The following PAX5 variants were observed in gnomAD, a reference collection of about 807,000 sequenced individuals.
The protein encoded by PAX5 is paired box protein Pax-5.
PAX5 carries 9 observed loss-of-function variants against 43.7 expected under a neutral mutation model. The observed-to-expected ratio is 0.21, with a 90% CI of 0.12 to 0.36. The LOEUF (loss-of-function observed/expected upper bound fraction) is 0.36, where lower values mean the gene tolerates loss of function less well. Among genes scored for constraint, PAX5 ranks in the 10% least tolerant of loss-of-function variants. PAX5 has a pLI of 1.00. For synonymous variants in PAX5, 228 were observed against 214.3 expected (o/e 1.06, Z -0.56); for missense variants, 383 against 532.7 (o/e 0.72, Z 2.77).
chr9:36,976,719 T>G (rs905432433), intron 5 of PAX5, among the ~76,000 whole-genome samples: 14 of 152,294 alleles, frequency 9.2e-5, no homozygotes, highest in Admixed American at 2.0e-4. Context: ...AAATGCGAAA[T>G]TGTAAAATTG....
intron 2 of PAX5, among the ~76,000 whole-genome samples, chr9:37,016,841 A>G (rs1382834905): frequency 2.0e-5 from 3 of 152,228 alleles, no homozygotes; most frequent in Non-Finnish European, 4.4e-5. Flanking sequence ...CAGCCTGGGT[A>G]TGTTTGGGTA....
intron 6 of PAX5, among the ~76,000 whole-genome samples, chr9:36,949,273 G>T (rs1832810015): frequency 6.6e-6 from 1 of 152,106 alleles, no homozygotes; most frequent in Non-Finnish European, 1.5e-5. Flanking sequence ...TGCTAGCCAG[G>T]ATGGCCTCGA....
At chr9:36,999,485 T>C (rs1837671773) in intron 5 of PAX5, among the ~76,000 whole-genome samples, 1 of 152,222 alleles carries the variant, frequency 6.6e-6, no homozygotes, top group Non-Finnish European at 1.5e-5. Context: ...CTCTGCAAGA[T>C]CTGGGCAGGA....
At chr9:36,852,902 C>T (rs1823301150) in intron 8 of PAX5, among the ~76,000 whole-genome samples, 1 of 152,198 alleles carries the variant, frequency 6.6e-6, no homozygotes, top group East Asian at 1.9e-4. Context: ...AGGGATCCCA[C>T]CATCCCAAGG....
intron 3 of PAX5, among the ~76,000 whole-genome samples, chr9:37,009,553 G>C (rs1455511420): frequency 6.6e-6 from 1 of 152,068 alleles, no homozygotes; most frequent in South Asian, 2.1e-4. Flanking sequence ...GAGGGCGGTG[G>C]GGGAGTAAAG....
intron 6 of PAX5, among the ~76,000 whole-genome samples, chr9:36,929,617 C>T (rs1421451515): frequency 6.6e-6 from 1 of 152,248 alleles, no homozygotes; most frequent in African/African-American, 2.4e-5. Context: ...TCAGGGCACC[C>T]TGGTGCTGTC....
intron 9 of PAX5, among the ~76,000 whole-genome samples, 177 bp downstream of exon 9, chr9:36,846,666 G>A (rs1822604061): frequency 6.6e-6 from 1 of 152,156 alleles, no homozygotes; most frequent in South Asian, 2.1e-4. Context: ...CAGGGCTGGA[G>A]CACTATTTAC....
chr9:36,846,758 A>G, intron 9 of PAX5, 85 bp downstream of exon 9: 4 of 906,462 alleles, frequency 4.4e-6, no homozygotes, highest in Non-Finnish European at 7.1e-6. Context: ...AGACCTCAGG[A>G]TGTCGAGGGA....
intron 1 of PAX5, among the ~76,000 whole-genome samples, chr9:37,025,873 T>A: frequency 6.6e-6 from 1 of 152,290 alleles, no homozygotes; most frequent in Non-Finnish European, 1.5e-5. Flanking sequence ...GGAGAAGCCA[T>A]GAGAAAAGGC....
At chr9:37,030,033 C>T (rs1840823611) in intron 1 of PAX5, among the ~76,000 whole-genome samples, 1 of 152,182 alleles carries the variant, frequency 6.6e-6, no homozygotes, top group Admixed American at 6.5e-5. Flanking sequence ...GGTTTTCCTT[C>T]GGATACCCGT....
At chr9:36,915,813 T>C (rs1477101110) in intron 7 of PAX5, among the ~76,000 whole-genome samples, 1 of 152,220 alleles carries the variant, frequency 6.6e-6, no homozygotes, top group Non-Finnish European at 1.5e-5. Flanking sequence ...TGCTCACTTC[T>C]GTAATCCCAG....
At chr9:36,892,628 TC>T (rs1042797931) in intron 7 of PAX5, among the ~76,000 whole-genome samples, 58 of 152,248 alleles carry the variant, frequency 3.8e-4, no homozygotes, top group African/African-American at 1.3e-3. Flanking sequence ...AAATGCACGC[TC>T]CCCTGTGACC....
chr9:36,919,110 C>G (rs1194181350), intron 7 of PAX5, among the ~76,000 whole-genome samples: 2 of 152,154 alleles, frequency 1.3e-5, no homozygotes, highest in African/African-American at 4.8e-5. Context: ...CTATATCATT[C>G]CAAAAATTCT....
intron 6 of PAX5, among the ~76,000 whole-genome samples, chr9:36,962,902 G>A (rs1288359282): frequency 6.6e-6 from 1 of 152,222 alleles, no homozygotes; most frequent in Non-Finnish European, 1.5e-5. Flanking sequence ...CCACCGCCAT[G>A]CCACGCTGGG....
chr9:36,881,913 T>G, intron 8 of PAX5, 91 bp downstream of exon 8: 1 of 930,396 alleles, frequency 1.1e-6, no homozygotes, highest in Non-Finnish European at 1.7e-6. Flanking sequence ...CTCAGAAGCG[T>G]AGAGGTCACC....
At chr9:36,903,979 C>T (rs75788448) in intron 7 of PAX5, among the ~76,000 whole-genome samples, 1,670 of 152,260 alleles carry the variant, frequency 0.011, 11 homozygotes, top group Middle Eastern at 0.024. Flanking sequence ...GTCTGACTGC[C>T]GGCATTTAAA....
At position 36,948,791 on chromosome 9, in the gene PAX5, G is replaced by T. The variant is rs1209609938; in HGVS notation, c.780+17758C>A. ...CACCAAGACAATTCTTAGCCACTTT[G>T]TCTCCCTGCGCAAACTCCCTCCTGC... On this transcript the variant is annotated intron_variant, in intron 6 of 9. Coordinates refer to ENST00000358127, the MANE Select transcript of PAX5 (RefSeq NM_016734.3). Among the ~76,000 whole-genome samples, 5 of 151,400 alleles carry T rather than the reference G, an allele frequency of 3.3e-5. No homozygotes were observed. In the South Asian group the frequency reaches 8.4e-4, roughly 26 times the overall value.
At chr9:36,881,399 T>A (rs1286472159) in intron 8 of PAX5, among the ~76,000 whole-genome samples, 1 of 152,130 alleles carries the variant, frequency 6.6e-6, no homozygotes, top group Non-Finnish European at 1.5e-5. Flanking sequence ...CCAGTACCGC[T>A]TGTCCCCACA....
At chr9:36,936,954 AT>A (rs1400046148) in intron 6 of PAX5, among the ~76,000 whole-genome samples, 2 of 152,194 alleles carry the variant, frequency 1.3e-5, no homozygotes, top group East Asian at 3.9e-4. Flanking sequence ...CTGCAAAGGC[AT>A]ACCCAGCCAG....
Sources: gnomAD v4.1 joint callset for allele counts (sites outside exome capture counted in the v4.1 genomes callset) on GRCh38, gnomAD v4.1.1 for gene constraint, MANE v1.5 for transcripts, NCBI Gene and HGNC (gene_info 2026-07-23, HGNC 2026-07-21) for gene names.